CRTC3: variants seen among roughly 807,000 people sequenced by gnomAD.
CRTC3 encodes CREB-regulated transcription coactivator 3.
CRTC3 carries 26 observed loss-of-function variants against 74.5 expected under a neutral mutation model. The ratio of observed to expected loss-of-function variants is 0.35; its 90% CI spans 0.26 to 0.48. The LOEUF (loss-of-function observed/expected upper bound fraction) is 0.48. Ranked by LOEUF, CRTC3 falls within the 20% of genes least tolerant of loss-of-function variation. The pLI is 0.99. For synonymous variants in CRTC3, 377 were observed against 325.8 expected, an observed-to-expected ratio of 1.16 and a Z score of -1.69; for missense variants, 760 against 787.3, an observed-to-expected ratio of 0.97 and a Z score of 0.41.
intron 2 of CRTC3, among the ~76,000 whole-genome samples, chr15:90,541,009 A>T (rs1268565495): frequency 6.6e-6 from 1 of 152,216 alleles, no homozygotes; most frequent in African/African-American, 2.4e-5. Context: ...TAAGACACAG[A>T]TAAGTAGTCT....
At chr15:90,539,665 A>G (rs915893563) in intron 1 of CRTC3, 21 of 258,812 alleles carry the variant, frequency 8.1e-5, no homozygotes, top group Non-Finnish European at 1.3e-4. Context: ...CGGAGGCTGG[A>G]AAAGAGCATG....
chr15:90,548,227 CAT>C (rs1966848079), intron 2 of CRTC3, among the ~76,000 whole-genome samples: 1 of 152,200 alleles, frequency 6.6e-6, no homozygotes, highest in African/African-American at 2.4e-5. Context: ...CCTTTCAAAT[CAT>C]ATCACTAAAA....
At chr15:90,603,245 C>T (rs1284482711) in intron 4 of CRTC3, among the ~76,000 whole-genome samples, 19 of 150,494 alleles carry the variant, frequency 1.3e-4, no homozygotes, top group South Asian at 4.2e-4. Flanking sequence ...AGATCGAGAC[C>T]ATCCTCGCTA....
intron 2 of CRTC3, among the ~76,000 whole-genome samples, chr15:90,562,451 G>T (rs963889494): frequency 6.6e-6 from 1 of 152,076 alleles, no homozygotes; most frequent in Admixed American, 6.6e-5. Context: ...CTCTTATTTT[G>T]CAAATTAAGC....
intron 2 of CRTC3, among the ~76,000 whole-genome samples, chr15:90,557,985 G>A (rs1966930560): frequency 6.6e-6 from 1 of 151,972 alleles, no homozygotes; most frequent in Non-Finnish European, 1.5e-5. Context: ...CACCCCACTT[G>A]CCTTTCTGAT....
chr15:90,583,614 A>G (rs995581261), intron 2 of CRTC3, among the ~76,000 whole-genome samples: 1 of 152,198 alleles, frequency 6.6e-6, no homozygotes, highest in Non-Finnish European at 1.5e-5. Context: ...ACTAGCCCCA[A>G]AGATAGTGTA....
At chr15:90,593,613 C>T in intron 2 of CRTC3, 23 bp from the exon 3 acceptor site, 1 of 1,589,830 alleles carries the variant, frequency 6.3e-7, no homozygotes, top group South Asian at 1.1e-5. Flanking sequence ...TGGAGGCCAA[C>T]TCTTCTTCCC....
At position 90,625,911 on chromosome 15, in the gene CRTC3, C is replaced by G; in HGVS notation, c.885C>G (p.His295Gln). The change falls in exon 10 of 15, where the codon CAC (histidine) becomes CAG (glutamine). Residue 295 changes from histidine to glutamine, a missense_variant. His to Gln is a conservative substitution (Grantham distance 24). Transcript: ENST00000268184. ...CAGCCTCCCTGGACACCACCGACCA[C>G]CACTTTGGCAGTATGAGTGTGGGGA... ...PLPASLDTTD[H>Q]HFGSMSVGNS... The G allele has an allele frequency of 4.3e-6, 7 of 1,614,236 alleles. No individual in the cohort carries two copies. The highest frequency in any genetic ancestry group is 5.9e-6 in the Non-Finnish European group (7 of 1,180,042).
rs540298897 is a variant in CRTC3, at chr15:90,578,400, A to G, written c.232-15236A>G. Among the ~76,000 whole-genome samples, 338 of 152,156 alleles carry G rather than the reference A, an allele frequency of 2.2e-3. 3 individuals are homozygous for G. Among genetic ancestry groups the G allele is most frequent in the South Asian group, 0.011 (53 of 4,818 alleles). On this transcript the variant is annotated intron_variant, in intron 2 of 14. Transcript: ENST00000268184. The stretch of plus-strand genomic sequence containing the variant: ...CGTCTCTACTAAAAATACAAAAATT[A>G]GCGAGGCGTGGTGGCATACACCTGT...
At chr15:90,606,598 A>T (rs1296442431) in intron 5 of CRTC3, among the ~76,000 whole-genome samples, 1 of 152,196 alleles carries the variant, frequency 6.6e-6, no homozygotes, top group Admixed American at 6.5e-5. Flanking sequence ...AAAAATATTG[A>T]GGCCCTCAAA....
chr15:90,627,668 C>G (rs1968886246), intron 10 of CRTC3, among the ~76,000 whole-genome samples: 1 of 150,958 alleles, frequency 6.6e-6, no homozygotes, highest in Admixed American at 6.6e-5. Flanking sequence ...GTCGCCCAGG[C>G]TGGAGTGCAG....
At chr15:90,617,101 AG>A (rs1313207789) in intron 7 of CRTC3, among the ~76,000 whole-genome samples, 2 of 151,964 alleles carry the variant, frequency 1.3e-5, no homozygotes, top group Admixed American at 1.3e-4. Flanking sequence ...CCTACACTCC[AG>A]TTGAAAAGAG....
chr15:90,639,317 G>C (rs1596153704), intron 13 of CRTC3, among the ~76,000 whole-genome samples: 1 of 152,032 alleles, frequency 6.6e-6, no homozygotes, highest in Non-Finnish European at 1.5e-5. Context: ...TTCTTTTACA[G>C]TTTAGTTTTT....
chr15:90,634,832 A>G, intron 11 of CRTC3: 3 of 1,527,236 alleles, frequency 2.0e-6, no homozygotes, highest in Non-Finnish European at 2.7e-6. Context: ...TTCCAGAAAA[A>G]TCTCAAGGAA....
chr15:90,644,177 C>T lies in CRTC3; in HGVS notation c.*2037C>T, dbSNP rs956176201. On this transcript the variant is annotated 3_prime_UTR_variant, in exon 15 of 15. Coordinates refer to ENST00000268184, the MANE Select transcript of CRTC3 (RefSeq NM_022769.5). Reference sequence around the variant, plus strand: ...AGGGCCTGCTGGCCTGCCCTGTTCCCAGTTACACTTTCAGATCCCTTTGTG... The same window carrying T: ...AGGGCCTGCTGGCCTGCCCTGTTCCTAGTTACACTTTCAGATCCCTTTGTG... 4 of 227,898 alleles carry T rather than the reference C, an allele frequency of 1.8e-5. No individual in the cohort carries two copies. Among genetic ancestry groups the T allele is most frequent in the Non-Finnish European group, 3.5e-5 (4 of 114,806 alleles). The allele number at this position is 227,898 out of a possible 1,614,324, so 14.1% of individuals were successfully genotyped here. A position where few individuals can be genotyped will look rare whatever the true frequency, so the allele number is the denominator to read the frequency against.
intron 5 of CRTC3, among the ~76,000 whole-genome samples, 169 bp downstream of exon 5, chr15:90,604,616 C>T (rs975887735): frequency 1.3e-5 from 2 of 152,240 alleles, no homozygotes; most frequent in Non-Finnish European, 2.9e-5. Context: ...AAGTATAGAG[C>T]ACACGAGGTC....
At chr15:90,604,273 C>A (rs1432368794) in intron 4 of CRTC3, 112 bp from the exon 5 acceptor site, 1 of 785,100 alleles carries the variant, frequency 1.3e-6, no homozygotes, top group African/African-American at 1.7e-5. Context: ...TTAAGTAACT[C>A]TTGCAGAGCG....
chr15:90,640,876 G>A (rs1362820562), intron 13 of CRTC3, among the ~76,000 whole-genome samples: 5 of 152,066 alleles, frequency 3.3e-5, no homozygotes, highest in Admixed American at 2.6e-4. Flanking sequence ...AAGTCACCAC[G>A]CTGTGGACCT....
chr15:90,603,890 T>TA (rs1596117225), intron 4 of CRTC3, among the ~76,000 whole-genome samples: 1 of 152,318 alleles, frequency 6.6e-6, no homozygotes, highest in Non-Finnish European at 1.5e-5. Flanking sequence ...GTAGAATAAA[T>TA]ACAATATTTT....
Sources: allele counts gnomAD v4.1 joint callset (sites outside exome capture counted in the v4.1 genomes callset), GRCh38; gene constraint gnomAD v4.1.1; transcripts MANE v1.5; gene names NCBI Gene and HGNC (gene_info 2026-07-23, HGNC 2026-07-21).